Variants in CSMD1 observed in about 807,000 individuals in gnomAD.
The protein encoded by CSMD1 is CUB and sushi domain-containing protein 1.
In CSMD1, 213 loss-of-function variants were observed where a neutral mutation model predicts 417.5. The observed-to-expected ratio is 0.51, with a 90% CI of 0.46 to 0.57. The LOEUF (loss-of-function observed/expected upper bound fraction) is 0.57, where lower values mean the gene tolerates loss of function less well. CSMD1 is among the 20% of genes least tolerant of loss of function. The pLI is 0.00. For missense variants in CSMD1, 6,923 were observed against 4,529.7 expected, an observed-to-expected ratio of 1.53 and a Z score of -15.17; for synonymous variants, 2,862 against 1,736.8, an observed-to-expected ratio of 1.65 and a Z score of -16.11.
At chr8:4,007,084 C>G (rs575255259) in intron 4 of CSMD1, among the ~76,000 whole-genome samples, 5 of 152,150 alleles carry the variant, frequency 3.3e-5, no homozygotes, top group African/African-American at 1.2e-4. Context: ...GTGATCCAGC[C>G]ACCTCGGCCT....
At chr8:3,628,913 TAA>T (rs1462767817) in intron 7 of CSMD1, among the ~76,000 whole-genome samples, 3 of 146,056 alleles carry the variant, frequency 2.1e-5, no homozygotes, top group Admixed American at 6.8e-5. Context: ...CAGGAAAAAA[TAA>T]GAGAAGGAAT....
At position 4,140,870 on chromosome 8, in the gene CSMD1, G is replaced by T. The variant is rs917947061; in HGVS notation, c.416-108771C>A. ...AAATCTCTGCCCAAGAGGGCATTTG[G>T]GAGATTGCTGATCGCCAATGCACAG... is the stretch of plus-strand genomic sequence containing the variant. On this transcript the variant is annotated intron_variant, in intron 3 of 69. Transcript: ENST00000635120. 2.0e-5 allele frequency among the ~76,000 whole-genome samples: 3 copies of T among 151,022 alleles called. 1 individual carries two copies. The highest frequency in any genetic ancestry group is 7.4e-5 in the African/African-American group (3 of 40,374).
At chr8:4,148,543 T>C (rs369590969) in intron 3 of CSMD1, among the ~76,000 whole-genome samples, 2 of 152,174 alleles carry the variant, frequency 1.3e-5, no homozygotes, top group African/African-American at 4.8e-5. Context: ...CATTGGCTAC[T>C]TGGAGTTCTG....
intron 3 of CSMD1, among the ~76,000 whole-genome samples, chr8:4,049,235 A>G (rs1160076510): frequency 6.6e-6 from 1 of 152,042 alleles, no homozygotes; most frequent in East Asian, 1.9e-4. Flanking sequence ...AGACTTCTCA[A>G]CCTTGACATC....
At chr8:4,746,046 A>T (rs963959096) in intron 1 of CSMD1, among the ~76,000 whole-genome samples, 3 of 152,232 alleles carry the variant, frequency 2.0e-5, no homozygotes, top group African/African-American at 7.2e-5. Context: ...TTGAGTTTTT[A>T]TTAAGATAAT....
intron 1 of CSMD1, among the ~76,000 whole-genome samples, chr8:4,661,933 A>G (rs185682914): frequency 2.9e-4 from 44 of 152,318 alleles, no homozygotes; most frequent in African/African-American, 1.0e-3. Context: ...TAATAGGATT[A>G]TATTGACAGT....
At chr8:3,447,785 T>C (rs1391692726) in intron 12 of CSMD1, among the ~76,000 whole-genome samples, 7 of 152,088 alleles carry the variant, frequency 4.6e-5, no homozygotes, top group African/African-American at 1.7e-4. Flanking sequence ...TGGCAGTGGA[T>C]GGAGGGTGCA....
At chr8:4,351,467 T>C (rs1801088939) in intron 3 of CSMD1, among the ~76,000 whole-genome samples, 1 of 152,230 alleles carries the variant, frequency 6.6e-6, no homozygotes, top group Non-Finnish European at 1.5e-5. Context: ...CAGAGTTCCA[T>C]AGCTATTACT....
At chr8:3,630,480 G>A (rs551312711) in intron 7 of CSMD1, among the ~76,000 whole-genome samples, 13 of 152,282 alleles carry the variant, frequency 8.5e-5, no homozygotes, top group African/African-American at 2.9e-4. Context: ...CATGAAAGAT[G>A]CTTAGATGAG....
At chr8:4,090,123 G>A (rs113098283) in intron 3 of CSMD1, among the ~76,000 whole-genome samples, 1 of 152,162 alleles carries the variant, frequency 6.6e-6, no homozygotes, top group South Asian at 2.1e-4. Flanking sequence ...AACTCTGGAA[G>A]CTCATCATTA....
At chr8:3,146,216 G>A (rs188841785) in intron 40 of CSMD1, among the ~76,000 whole-genome samples, 57 of 152,218 alleles carry the variant, frequency 3.7e-4, no homozygotes, top group Non-Finnish European at 2.9e-5. Flanking sequence ...CAGACAGAAA[G>A]CTTCATTGCA....
chr8:3,032,058 AAAAG>A (rs1341830368), intron 50 of CSMD1, among the ~76,000 whole-genome samples: 10 of 151,712 alleles, frequency 6.6e-5, no homozygotes, highest in East Asian at 1.9e-4. Flanking sequence ...TTGCCACAAC[AAAAG>A]AAAGAGAGGA....
chr8:4,519,876 G>T (rs1166153718), intron 2 of CSMD1, among the ~76,000 whole-genome samples: 1 of 149,922 alleles, frequency 6.7e-6, no homozygotes, highest in Non-Finnish European at 1.5e-5. Flanking sequence ...TTTGGTTCAT[G>T]AGGAAGTGAA....
intron 11 of CSMD1, among the ~76,000 whole-genome samples, chr8:3,479,944 G>C (rs1817640809): frequency 6.6e-6 from 1 of 152,096 alleles, no homozygotes; most frequent in African/African-American, 2.4e-5. Flanking sequence ...AATAACAGAA[G>C]AGAAAACTAA....
Position 3,694,259 on chromosome 8 carries a change from C to G in CSMD1, c.1009+14155G>C, listed in dbSNP as rs17066924. 4.0e-3 allele frequency among the ~76,000 whole-genome samples: 604 copies of G among 152,134 alleles called. 4 individuals carry two copies. Among genetic ancestry groups the G allele is most frequent in the African/African-American group, 0.014 (568 of 41,506 alleles). On this transcript the variant is annotated intron_variant, in intron 7 of 69. Transcript: ENST00000635120. ...GCTCTGTCATGGAGTCCAGGAAGAG[C>G]CTGGTCATGCTCAGGGGTCCACACC...
At chr8:4,878,734 T>C (rs1207227546) in intron 1 of CSMD1, among the ~76,000 whole-genome samples, 1 of 151,914 alleles carries the variant, frequency 6.6e-6, no homozygotes, top group African/African-American at 2.4e-5. Context: ...GCAGTATCTT[T>C]TGTGTAGAAA....
chr8:3,715,633 C>G (rs1414692060), intron 6 of CSMD1, among the ~76,000 whole-genome samples: 1 of 152,158 alleles, frequency 6.6e-6, no homozygotes, highest in East Asian at 1.9e-4. Flanking sequence ...ACCTCCACCT[C>G]CCGGGTTCAA....
At chr8:4,319,685 A>C (rs1162244997) in intron 3 of CSMD1, among the ~76,000 whole-genome samples, 1 of 152,142 alleles carries the variant, frequency 6.6e-6, no homozygotes, top group Non-Finnish European at 1.5e-5. Context: ...GAAGGGAAGC[A>C]ATCCAAGCAG....
At chr8:4,166,805 A>G (rs1383694674) in intron 3 of CSMD1, among the ~76,000 whole-genome samples, 2 of 152,252 alleles carry the variant, frequency 1.3e-5, no homozygotes, top group Non-Finnish European at 2.9e-5. Context: ...GGTGTGTTTA[A>G]TGAGACAATA....
Sources: allele counts gnomAD v4.1 joint callset (sites outside exome capture counted in the v4.1 genomes callset), GRCh38; gene constraint gnomAD v4.1.1; transcripts MANE v1.5; gene names NCBI Gene and HGNC (gene_info 2026-07-23, HGNC 2026-07-21).